FAM13C: variants seen among roughly 807,000 people sequenced by gnomAD.
The protein encoded by FAM13C is protein FAM13C.
Under a neutral mutation model 73.2 loss-of-function variants are expected in FAM13C, and 37 were observed. The observed-to-expected ratio is 0.51, with a 90% CI of 0.39 to 0.67. The LOEUF is 0.67. FAM13C is among the 30% of genes least tolerant of loss of function. The probability of loss-of-function intolerance (pLI) is 0.00; values close to 1 mark genes in which losing one functional copy is unlikely to be tolerated. For synonymous variants in FAM13C, 246 were observed against 260.9 expected (o/e 0.94, Z 0.55); for missense variants, 589 against 715.6 (o/e 0.82, Z 2.02).
rs1273843934 is a variant in FAM13C, at chr10:59,246,328, G to A, written c.*1286C>T. The A allele has an allele frequency of 4.9e-6, 1 of 203,338 alleles. No homozygotes were observed. Among genetic ancestry groups the A allele is most frequent in the African/African-American group, 2.3e-5 (1 of 43,698 alleles). The allele number at this position is 203,338 out of a possible 1,614,324, so 12.6% of individuals were successfully genotyped here. ...GATGACTTCAATTAAACAAATTTAT[G>A]AAGGACATTATTCTGATTCATAAAA... On this transcript the variant is annotated 3_prime_UTR_variant, in exon 14 of 14. Coordinates refer to ENST00000618804, the MANE Select transcript of FAM13C (RefSeq NM_198215.4).
chr10:59,246,694 G>A lies in FAM13C; in HGVS notation c.*920C>T. On this transcript the variant is annotated 3_prime_UTR_variant, in exon 14 of 14. Transcript: ENST00000618804. The stretch of plus-strand genomic sequence containing the variant: ...CCAAACTTTTCATTTTGTACAGAAG[G>A]ATGAATAACTACAGCTCATGGGAAA... 2.5e-6 allele frequency: 1 copy of A among 397,394 alleles called. No homozygotes were observed. Among genetic ancestry groups the A allele is most frequent in the Admixed American group, 4.4e-5 (1 of 22,702 alleles). The allele number at this position is 397,394 out of a possible 1,614,324, so 24.6% of individuals were successfully genotyped here.
intron 3 of FAM13C, among the ~76,000 whole-genome samples, chr10:59,334,818 G>C (rs1852516309): frequency 6.6e-6 from 1 of 152,028 alleles, no homozygotes; most frequent in Admixed American, 6.5e-5. Flanking sequence ...CGAGTTAACA[G>C]GTGCAGCACA....
chr10:59,292,459 A>T lies in FAM13C; in HGVS notation c.508-9012T>A, dbSNP rs193211147. On this transcript the variant is annotated intron_variant, in intron 5 of 13. Transcript: ENST00000618804. ...GCCCACTGGGCCCTTAATCTGGCTC[A>T]TTCTGTGTCACAGGGCAAACCACCA... is the stretch of plus-strand genomic sequence containing the variant. Among the ~76,000 whole-genome samples the T allele has an allele frequency of 2.0e-5, 3 of 152,384 alleles. No homozygotes were observed. The East Asian group carries it at 5.8e-4, about 29-fold the overall frequency.
chr10:59,357,529 T>C (rs1238893856), intron 1 of FAM13C, among the ~76,000 whole-genome samples: 1 of 152,234 alleles, frequency 6.6e-6, no homozygotes, highest in Non-Finnish European at 1.5e-5. Flanking sequence ...CAGCATTTAT[T>C]GAGTATTTAC....
At chr10:59,308,387 C>T (rs998163348) in intron 4 of FAM13C, among the ~76,000 whole-genome samples, 5 of 151,920 alleles carry the variant, frequency 3.3e-5, no homozygotes, top group South Asian at 2.1e-4. Flanking sequence ...ACCATTACCA[C>T]CACCATCACC....
intron 7 of FAM13C, 65 bp from the exon 8 acceptor site, chr10:59,268,756 A>C: frequency 6.5e-7 from 1 of 1,549,478 alleles, no homozygotes; most frequent in African/African-American, 1.4e-5. Context: ...AGTTCTGTTG[A>C]TCTACAAACC....
At chr10:59,331,703 A>G (rs1424753086) in intron 3 of FAM13C, among the ~76,000 whole-genome samples, 1 of 152,190 alleles carries the variant, frequency 6.6e-6, no homozygotes, top group Admixed American at 6.5e-5. Flanking sequence ...CAAGCAAGAG[A>G]TGACTGTCAC....
chr10:59,248,738 A>G (rs567400203), intron 13 of FAM13C, among the ~76,000 whole-genome samples: 2 of 152,226 alleles, frequency 1.3e-5, no homozygotes, highest in South Asian at 4.2e-4. Flanking sequence ...GCTCCCTTCT[A>G]TTTTTCCCAG....
intron 8 of FAM13C, among the ~76,000 whole-genome samples, chr10:59,264,795 T>C: frequency 6.6e-6 from 1 of 152,240 alleles, no homozygotes; most frequent in African/African-American, 2.4e-5. Context: ...TAGTCAAACA[T>C]ACTGTCCCTC....
At chr10:59,249,706 C>G (rs1589326236) in intron 13 of FAM13C, among the ~76,000 whole-genome samples, 1 of 151,388 alleles carries the variant, frequency 6.6e-6, no homozygotes, top group East Asian at 1.9e-4. Flanking sequence ...AATTAAGGTC[C>G]ATATTTCCTA....
Position 59,264,073 on chromosome 10 carries a change from G to T in FAM13C, c.1024+12C>A, listed in dbSNP as rs1472083298. On this transcript the variant is annotated intron_variant, in intron 9 of 13. Transcript: ENST00000618804. Reference sequence around the variant, plus strand: ...CCTTTGTGAGGAAAAAAGATCTTTGGCTGGGATTTACCTTTGAGCTGTTTA... The same window carrying T: ...CCTTTGTGAGGAAAAAAGATCTTTGTCTGGGATTTACCTTTGAGCTGTTTA... The T allele has an allele frequency of 6.2e-7, 1 of 1,610,992 alleles. No homozygotes were observed. Among genetic ancestry groups the T allele is most frequent in the African/African-American group, 1.3e-5 (1 of 74,764 alleles).
chr10:59,288,978 G>A (rs972732570), intron 5 of FAM13C, among the ~76,000 whole-genome samples: 5 of 152,046 alleles, frequency 3.3e-5, no homozygotes, highest in Middle Eastern at 6.8e-3. Context: ...ACAAGGGGAC[G>A]GGGAGATTTG....
intron 6 of FAM13C, among the ~76,000 whole-genome samples, chr10:59,281,080 G>C (rs995336806): frequency 1.1e-4 from 17 of 152,086 alleles, no homozygotes; most frequent in Non-Finnish European, 2.4e-4. Flanking sequence ...TACATGTAAG[G>C]CTCAGAGATA....
chr10:59,327,438 T>G, intron 3 of FAM13C, among the ~76,000 whole-genome samples: 1 of 152,204 alleles, frequency 6.6e-6, no homozygotes, highest in East Asian at 1.9e-4. Flanking sequence ...GCTTACTTCC[T>G]TGGTAAGCCC....
At position 59,299,445 on chromosome 10, in the gene FAM13C, G is replaced by C. The variant is rs149298799; in HGVS notation, c.507+3356C>G. On this transcript the variant is annotated intron_variant, in intron 5 of 13. Coordinates refer to ENST00000618804, the MANE Select transcript of FAM13C (RefSeq NM_198215.4). ...TAGTTTACAAAGGAAACTAAAAGAA[G>C]TTGATGTGGTGCTCTTTCATATATA... Among the ~76,000 whole-genome samples the C allele has an allele frequency of 2.6e-3, 397 of 150,376 alleles. 3 individuals carry two copies. The highest frequency in any genetic ancestry group is 8.7e-3 in the African/African-American group (356 of 41,024).
intron 6 of FAM13C, among the ~76,000 whole-genome samples, chr10:59,274,294 T>C (rs1020933802): frequency 6.6e-6 from 1 of 152,124 alleles, no homozygotes; most frequent in African/African-American, 2.4e-5. Flanking sequence ...GCTATATGGT[T>C]AGGGGAGAGA....
intron 6 of FAM13C, among the ~76,000 whole-genome samples, chr10:59,276,790 C>G (rs1844365712): frequency 6.6e-6 from 1 of 152,084 alleles, no homozygotes; most frequent in Non-Finnish European, 1.5e-5. Flanking sequence ...GAAGTCTATG[C>G]AAGATTTTCA....
At chr10:59,306,428 T>C in intron 4 of FAM13C, among the ~76,000 whole-genome samples, 1 of 152,190 alleles carries the variant, frequency 6.6e-6, no homozygotes, top group East Asian at 1.9e-4. Context: ...GTGTGCCTGG[T>C]CCAGTGTTGT....
chr10:59,347,303 T>G (rs1392594091), intron 3 of FAM13C, among the ~76,000 whole-genome samples: 2 of 152,118 alleles, frequency 1.3e-5, no homozygotes, highest in Non-Finnish European at 2.9e-5. Flanking sequence ...ACACACAAAA[T>G]CTCAGATTCC....
Sources: allele counts gnomAD v4.1 joint callset (sites outside exome capture counted in the v4.1 genomes callset), GRCh38; gene constraint gnomAD v4.1.1; transcripts MANE v1.5; gene names NCBI Gene and HGNC (gene_info 2026-07-23, HGNC 2026-07-21).